ATP2A2: variants seen among roughly 807,000 people sequenced by gnomAD.
ATP2A2 encodes sarcoplasmic/endoplasmic reticulum calcium ATPase 2.
In ATP2A2, 14 loss-of-function variants were observed where a neutral mutation model predicts 109.3. The observed-to-expected ratio is 0.13, with a 90% CI of 0.08 to 0.20. The LOEUF is 0.20. Among genes scored for constraint, ATP2A2 ranks in the 10% least tolerant of loss-of-function variants. The probability of loss-of-function intolerance (pLI) is 1.00; values close to 1 mark genes in which losing one functional copy is unlikely to be tolerated. For synonymous variants in ATP2A2, 506 were observed against 490.9 expected, an observed-to-expected ratio of 1.03 and a Z score of -0.41; for missense variants, 657 against 1,321.6, an observed-to-expected ratio of 0.50 and a Z score of 7.80.
chr12:110,296,461 G>A lies in ATP2A2; in HGVS notation c.325-138G>A, dbSNP rs536050088. The A allele has an allele frequency of 1.8e-4, 200 of 1,119,954 alleles. No homozygotes were observed. The Middle Eastern group carries it at 2.1e-3, about 12-fold the overall frequency. 69.4% of individuals were successfully genotyped at this position (1,119,954 alleles called of 1,614,324 possible). ...TGTCCTTGTGTCTGTTGCCTTAGAT[G>A]TGAATTGTTTAGTACAAATGTTACT... On this transcript the variant is annotated intron_variant, in intron 4 of 19. Coordinates refer to ENST00000539276, the MANE Select transcript of ATP2A2 (RefSeq NM_170665.4).
In ATP2A2 at chr12:110,340,547, A is replaced by G; in HGVS notation, c.1762-112A>G. 3 of 1,309,038 alleles carry G rather than the reference A, an allele frequency of 2.3e-6. No homozygotes were observed. Among genetic ancestry groups the G allele is most frequent in the Non-Finnish European group, 2.1e-6 (2 of 935,932 alleles). 81.1% of individuals were successfully genotyped at this position (1,309,038 alleles called of 1,614,324 possible). On this transcript the variant is annotated intron_variant, in intron 13 of 19. Coordinates refer to ENST00000539276, the MANE Select transcript of ATP2A2 (RefSeq NM_170665.4). This position sits in a 1 kb window ranked among gnomAD's most constrained non-coding sequence, Gnocchi z 6.0. ...GAGCGAAACTCCGCCTCAAAAAAAA[A>G]AAAAGAAAAAAAATGCAGAAACCTG...
chr12:110,349,848 C>T lies in ATP2A2; in HGVS notation c.*3378C>T, dbSNP rs1345249089. On this transcript the variant is annotated 3_prime_UTR_variant, in exon 20 of 20. Coordinates refer to ENST00000539276, the MANE Select transcript of ATP2A2 (RefSeq NM_170665.4). ...AGAATGATGCGGAGGAGTTTCCTCT[C>T]CAGGGCTAGGCAAGGCAGGCGAGCA... is the stretch of plus-strand genomic sequence containing the variant. 10 of 1,050,248 alleles carry T rather than the reference C, an allele frequency of 9.5e-6. No homozygotes were observed. Among genetic ancestry groups the T allele is most frequent in the Non-Finnish European group, 1.0e-5 (9 of 869,270 alleles). The allele number at this position is 1,050,248 out of a possible 1,614,324, so 65.1% of individuals were successfully genotyped here. A position where few individuals can be genotyped will look rare whatever the true frequency, so the allele number is the denominator to read the frequency against.
chr12:110,313,906 G>T (rs1342508691), intron 5 of ATP2A2, among the ~76,000 whole-genome samples: 1 of 150,316 alleles, frequency 6.7e-6, no homozygotes, highest in African/African-American at 2.4e-5. Flanking sequence ...TAGAGACGGG[G>T]TTTCACCATG....
intron 4 of ATP2A2, among the ~76,000 whole-genome samples, chr12:110,292,511 C>T (rs1035712018): frequency 2.6e-5 from 4 of 152,132 alleles, no homozygotes; most frequent in African/African-American, 9.7e-5. Context: ...TCAAGTGATC[C>T]GCCCTCCTCA....
intron 5 of ATP2A2, among the ~76,000 whole-genome samples, chr12:110,321,447 G>GA (rs1336877862): frequency 3.9e-5 from 6 of 152,128 alleles, no homozygotes; most frequent in Admixed American, 3.9e-4. Context: ...TTATCTTTCA[G>GA]AAAATCACGG....
At position 110,336,992 on chromosome 12, in the gene ATP2A2, C is replaced by T. The variant is rs192083387; in HGVS notation, c.1420-2289C>T. Among the ~76,000 whole-genome samples, 122 of 152,290 alleles carry T rather than the reference C, an allele frequency of 8.0e-4. 1 individual carries two copies. Among genetic ancestry groups the T allele is most frequent in the Non-Finnish European group, 1.5e-3 (102 of 68,026 alleles). On this transcript the variant is annotated intron_variant, in intron 11 of 19. Coordinates refer to ENST00000539276, the MANE Select transcript of ATP2A2 (RefSeq NM_170665.4). ...GGGTTTGAGTCGTTTGATTCTAGAC[C>T]TCTGACTACTCCACTGAGTGATGGG...
At chr12:110,320,263 AG>A (rs1877098946) in intron 5 of ATP2A2, among the ~76,000 whole-genome samples, 1 of 152,178 alleles carries the variant, frequency 6.6e-6, no homozygotes, top group Non-Finnish European at 1.5e-5. Flanking sequence ...AGTATGAGCT[AG>A]GGTTTATATA....
At chr12:110,333,902 A>T in intron 10 of ATP2A2, 110 bp from the exon 11 acceptor site, 1 of 1,451,476 alleles carries the variant, frequency 6.9e-7, no homozygotes, top group South Asian at 1.2e-5. Context: ...ATGGCCTTAC[A>T]GTGTTGTAAT....
intron 5 of ATP2A2, among the ~76,000 whole-genome samples, chr12:110,321,817 T>C (rs1409621595): frequency 1.3e-5 from 2 of 152,242 alleles, no homozygotes; most frequent in Non-Finnish European, 2.9e-5. Context: ...TGCATGGCTT[T>C]GTCTGTTACT....
At chr12:110,291,913 C>T (rs919778710) in intron 3 of ATP2A2, 107 bp from the exon 4 acceptor site, 1 of 1,001,066 alleles carries the variant, frequency 1.0e-6, no homozygotes. Context: ...TCCCAAAGTG[C>T]TGGGATTACA....
intron 4 of ATP2A2, among the ~76,000 whole-genome samples, chr12:110,293,870 ATTTTTT>A (rs398021049): frequency 3.5e-4 from 26 of 73,312 alleles, no homozygotes; most frequent in African/African-American, 1.5e-3. Flanking sequence ...GTGTGTATAT[ATTTTTT>A]TTTTTTTTTT....
At chr12:110,325,520 G>C (rs1877698352) in intron 6 of ATP2A2, among the ~76,000 whole-genome samples, 7 of 151,896 alleles carry the variant, frequency 4.6e-5, no homozygotes, top group Admixed American at 2.6e-4. Context: ...TGTAATCCCA[G>C]CTACTTGGGA....
At chr12:110,286,970 C>T (rs566616837) in intron 3 of ATP2A2, among the ~76,000 whole-genome samples, 1 of 151,964 alleles carries the variant, frequency 6.6e-6, no homozygotes. Context: ...TTTATTTGGC[C>T]GGGTGCAGTG....
At chr12:110,285,687 G>T (rs928198603) in intron 3 of ATP2A2, among the ~76,000 whole-genome samples, 2 of 152,144 alleles carry the variant, frequency 1.3e-5, no homozygotes, top group African/African-American at 4.8e-5. Flanking sequence ...GGGCATTAGG[G>T]CCATGTTGGT....
chr12:110,304,823 A>G (rs995863016), intron 5 of ATP2A2, among the ~76,000 whole-genome samples: 1 of 152,196 alleles, frequency 6.6e-6, no homozygotes. Flanking sequence ...ACTGTTGCCA[A>G]TTGAAGGTCA....
chr12:110,343,156 G>A (rs192058437), intron 15 of ATP2A2, 76 bp from the exon 16 acceptor site: 755 of 1,420,124 alleles, frequency 5.3e-4, no homozygotes, highest in Non-Finnish European at 7.2e-4. Context: ...GGAGGAGGGC[G>A]GGTTGATGAT....
intron 6 of ATP2A2, chr12:110,326,134 A>G (rs1592843849): frequency 7.6e-6 from 4 of 529,422 alleles, no homozygotes; most frequent in East Asian, 6.6e-5. Context: ...AAAATAATCA[A>G]TGGGGATTCT....
At chr12:110,298,005 A>G (rs1195797528) in intron 5 of ATP2A2, among the ~76,000 whole-genome samples, 1 of 152,158 alleles carries the variant, frequency 6.6e-6, no homozygotes, top group Non-Finnish European at 1.5e-5. Context: ...GAGTCATTGC[A>G]TACTGTTATT....
intron 5 of ATP2A2, among the ~76,000 whole-genome samples, chr12:110,310,531 G>T (rs1234461783): frequency 6.6e-6 from 1 of 152,130 alleles, no homozygotes; most frequent in Non-Finnish European, 1.5e-5. Flanking sequence ...CAAACTTTAT[G>T]TATCTTGGTA....
Sources: allele counts gnomAD v4.1 joint callset (sites outside exome capture counted in the v4.1 genomes callset), GRCh38; gene constraint gnomAD v4.1.1; non-coding constraint Gnocchi (gnomAD v3.1); transcripts MANE v1.5; gene names NCBI Gene and HGNC (gene_info 2026-07-23, HGNC 2026-07-21).